The following AGAP3 variants were observed in gnomAD, a reference collection of about 807,000 sequenced individuals.
AGAP3 encodes ArfGAP with GTPase domain, ankyrin repeat and PH domain 3.
Under a neutral mutation model 96.9 loss-of-function variants are expected in AGAP3, and 24 were observed. That is an observed-to-expected ratio of 0.25 (90% CI 0.18 to 0.35). The LOEUF (loss-of-function observed/expected upper bound fraction) is 0.35, where lower values mean the gene tolerates loss of function less well. Ranked by LOEUF, AGAP3 falls within the 10% of genes least tolerant of loss-of-function variation. AGAP3 has a pLI of 1.00. For synonymous variants in AGAP3, 563 were observed against 536.1 expected, an observed-to-expected ratio of 1.05 and a Z score of -0.69; for missense variants, 876 against 1,254.2, an observed-to-expected ratio of 0.70 and a Z score of 4.55.
chr7:151,134,659 G>T, intron 11 of AGAP3, 91 bp downstream of exon 11: 1 of 1,318,374 alleles, frequency 7.6e-7, no homozygotes. Flanking sequence ...TCTCAGCCTG[G>T]GCACAGGGTG....
Position 151,114,834 on chromosome 7 carries a change from G to C in AGAP3, c.332-1959G>C. 1.9e-6 allele frequency: 2 copies of C among 1,055,306 alleles called. No homozygotes were observed. The highest frequency in any genetic ancestry group is 1.1e-6 in the Non-Finnish European group (1 of 876,084). The allele number at this position is 1,055,306 out of a possible 1,614,324, so 65.4% of individuals were successfully genotyped here. A position where few individuals can be genotyped will look rare whatever the true frequency, so the allele number is the denominator to read the frequency against. Reference sequence around the variant, plus strand: ...GGAGCGGCCCGCCGCTTGCCGCCGCGCCCACAGCGTCTGCGACTCGCTGGA... The same window carrying C: ...GGAGCGGCCCGCCGCTTGCCGCCGCCCCCACAGCGTCTGCGACTCGCTGGA... On this transcript the variant is annotated intron_variant, in intron 1 of 17. Coordinates refer to ENST00000397238, the MANE Select transcript of AGAP3 (RefSeq NM_031946.7). The surrounding 1 kb of genome is among the most constrained non-coding windows in gnomAD (Gnocchi z 4.4).
At position 151,087,155 on chromosome 7, in the gene AGAP3, C is replaced by T. The variant is rs1236511384; in HGVS notation, c.331+83C>T. The T allele has an allele frequency of 1.5e-5, 22 of 1,422,926 alleles. 1 individual carries two copies. In the South Asian group the frequency reaches 2.5e-4, roughly 16 times the overall value. The allele number at this position is 1,422,926 out of a possible 1,614,324, so 88.1% of individuals were successfully genotyped here. A position where few individuals can be genotyped will look rare whatever the true frequency, so the allele number is the denominator to read the frequency against. On this transcript the variant is annotated intron_variant, in intron 1 of 17. Transcript: ENST00000397238. ...GAGGGCTCCACAGGCCGTGCCTGGC[C>T]ATGCTCTCCCTGTCGGGGGTCCTTG...
Position 151,141,370 on chromosome 7 carries a change from C to T in AGAP3, c.1805-528C>T. 1 of 174,516 alleles carries T rather than the reference C, an allele frequency of 5.7e-6. No individual in the cohort carries two copies. The highest frequency in any genetic ancestry group is 1.2e-5 in the Non-Finnish European group (1 of 81,702). The allele number at this position is 174,516 out of a possible 1,614,324, so 10.8% of individuals were successfully genotyped here. ...CCTCTCCCCCATCCACTTGCCCTTC[C>T]TGCCTGTCTATGCCATGGTAGTGGG... On this transcript the variant is annotated intron_variant, in intron 13 of 17. Transcript: ENST00000397238. The surrounding 1 kb of genome is among the most constrained non-coding windows in gnomAD (Gnocchi z 4.2).
chr7:151,087,477 T>C (rs1335604481), intron 1 of AGAP3, among the ~76,000 whole-genome samples: 2 of 152,056 alleles, frequency 1.3e-5, no homozygotes, highest in African/African-American at 4.8e-5. Context: ...AGCCTCGCGT[T>C]AGTGGATGGC....
rs1799151295 is a variant in AGAP3 at position 151,108,550 on chromosome 7, C to T, written c.332-8243C>T. ...GACATCCTGACCTCTGGAGATGGGGCAGAATCCCCGGGCCTCAGAGCAGCC... is the reference window on the plus strand; with the variant it reads ...GACATCCTGACCTCTGGAGATGGGGTAGAATCCCCGGGCCTCAGAGCAGCC... On this transcript the variant is annotated intron_variant, in intron 1 of 17. Transcript: ENST00000397238. This position sits in a 1 kb window ranked among gnomAD's most constrained non-coding sequence, Gnocchi z 4.2. Among the ~76,000 whole-genome samples, 1 of 152,200 alleles carries T rather than the reference C, an allele frequency of 6.6e-6. No homozygotes were observed. Among genetic ancestry groups the T allele is most frequent in the African/African-American group, 2.4e-5 (1 of 41,448 alleles).
At chr7:151,126,350 C>T (rs1174683875) in intron 9 of AGAP3, among the ~76,000 whole-genome samples, 1 of 58,066 alleles carries the variant, frequency 1.7e-5, no homozygotes, top group African/African-American at 9.6e-5. Context: ...GAGATGGGAG[C>T]AGAGCGGAGC....
intron 10 of AGAP3, among the ~76,000 whole-genome samples, chr7:151,131,790 T>TG (rs1800414260): frequency 6.6e-6 from 1 of 152,170 alleles, no homozygotes; most frequent in Admixed American, 6.5e-5. Flanking sequence ...CTTCTTGGCA[T>TG]GGGGTCAGCT....
chr7:151,117,956 C>A, intron 5 of AGAP3, 179 bp downstream of exon 5: 1 of 948,098 alleles, frequency 1.1e-6, no homozygotes, highest in Non-Finnish European at 1.5e-6. Context: ...CCCACTGAAA[C>A]CTGCTGTCCC....
chr7:151,117,910 C>A, intron 5 of AGAP3, 133 bp downstream of exon 5: 1 of 1,283,316 alleles, frequency 7.8e-7, no homozygotes, highest in Non-Finnish European at 1.0e-6. Context: ...GGACCCTCAG[C>A]ACTCTCCGTG....
intron 1 of AGAP3, among the ~76,000 whole-genome samples, chr7:151,102,498 G>A (rs932655026): frequency 2.7e-5 from 4 of 150,258 alleles, no homozygotes; most frequent in African/African-American, 4.9e-5. Flanking sequence ...GGTTGCTCAC[G>A]CAAGTAATCC....
chr7:151,088,407 G>T lies in AGAP3; in HGVS notation c.331+1335G>T, dbSNP rs112558918. On this transcript the variant is annotated intron_variant, in intron 1 of 17. Coordinates refer to ENST00000397238, the MANE Select transcript of AGAP3 (RefSeq NM_031946.7). ...CTCATTAACGTGGATCTGAGTAAAT[G>T]GCCTGAATCACCGCTGTGGCTGGGG... Among the ~76,000 whole-genome samples, 1,008 of 152,334 alleles carry T rather than the reference G, an allele frequency of 6.6e-3. 6 individuals carry two copies. The highest frequency in any genetic ancestry group is 9.2e-3 in the Non-Finnish European group (624 of 68,024).
Position 151,096,512 on chromosome 7 carries a change from G to A in AGAP3, c.331+9440G>A, listed in dbSNP as rs535698618. On this transcript the variant is annotated intron_variant, in intron 1 of 17. Transcript: ENST00000397238. This position sits in a 1 kb window ranked among gnomAD's most constrained non-coding sequence, Gnocchi z 4.4. Reference sequence around the variant, plus strand: ...TTTTGAGGTGGAGTCTCGCTCTGTCGCCCAGGCTGGAGTGCAGTGGCGCGA... The same window carrying A: ...TTTTGAGGTGGAGTCTCGCTCTGTCACCCAGGCTGGAGTGCAGTGGCGCGA... Among the ~76,000 whole-genome samples, 3 of 149,580 alleles carry A rather than the reference G, an allele frequency of 2.0e-5. No individual in the cohort carries two copies. Among genetic ancestry groups the A allele is most frequent in the South Asian group, 2.1e-4 (1 of 4,754 alleles).
chr7:151,122,499 T>C (rs1489531606), intron 8 of AGAP3, among the ~76,000 whole-genome samples: 4 of 149,868 alleles, frequency 2.7e-5, no homozygotes, highest in African/African-American at 5.1e-5. Flanking sequence ...CAGGTGCCGC[T>C]GCCGCCCGCC....
At position 151,118,584 on chromosome 7, in the gene AGAP3, C is replaced by G; in HGVS notation, c.921C>G (p.Ser307Arg). ...GCAAGTCACTGCCCAACTCGCCCAG[C>G]CACTCGGCCGTGTCCGCCGCCTCCA... ...GPCKSLPNSP[S>R]HSAVSAASIP... The change falls in exon 7 of 18, where the codon AGC becomes AGG. Residue 307 changes from serine (S) to arginine (R), a missense_variant. Physicochemically the swap from Ser to Arg is moderately radical, Grantham distance 110. Around this residue, in one of 8 missense-constraint regions of AGAP3, gnomAD observed 100 missense variants for 129.4 expected, o/e 0.77. Transcript: ENST00000397238. The surrounding 1 kb of genome is among the most constrained non-coding windows in gnomAD (Gnocchi z 6.1). 1 of 1,614,094 alleles carries G rather than the reference C, an allele frequency of 6.2e-7. No individual in the cohort carries two copies. The highest frequency in any genetic ancestry group is 1.1e-5 in the South Asian group (1 of 91,082).
chr7:151,108,077 C>T lies in AGAP3; in HGVS notation c.332-8716C>T, dbSNP rs1799131677. Among the ~76,000 whole-genome samples the T allele has an allele frequency of 3.3e-5, 5 of 152,220 alleles. No homozygotes were observed. In the South Asian group the frequency reaches 8.3e-4, roughly 25 times the overall value. ...GAGCTGCTAGAAAGCAGAGCTAAGC[C>T]CACAGTTGCTGTTGCTGGTCAGAGC... is the stretch of plus-strand genomic sequence containing the variant. On this transcript the variant is annotated intron_variant, in intron 1 of 17. Transcript: ENST00000397238. This position sits in a 1 kb window ranked among gnomAD's most constrained non-coding sequence, Gnocchi z 4.2.
At position 151,114,803 on chromosome 7, in the gene AGAP3, T is replaced by C; in HGVS notation, c.332-1990T>C. ...GGGGCTGGCCGCAGGGGGACAGCTG[T>C]CCCGGGGAGCGGCCCGCCGCTTGCC... On this transcript the variant is annotated intron_variant, in intron 1 of 17. Transcript: ENST00000397238. This position sits in a 1 kb window ranked among gnomAD's most constrained non-coding sequence, Gnocchi z 4.4. 9.5e-7 allele frequency: 1 copy of C among 1,052,554 alleles called. No individual in the cohort carries two copies. Among genetic ancestry groups the C allele is most frequent in the Non-Finnish European group, 1.1e-6 (1 of 875,104 alleles). 65.2% of individuals were successfully genotyped at this position (1,052,554 alleles called of 1,614,324 possible). A position where few individuals can be genotyped will look rare whatever the true frequency, so the allele number is the denominator to read the frequency against.
intron 1 of AGAP3, among the ~76,000 whole-genome samples, chr7:151,100,410 A>T (rs1798791111): frequency 6.6e-6 from 1 of 152,116 alleles, no homozygotes; most frequent in African/African-American, 2.4e-5. Flanking sequence ...AGCCCCTAAG[A>T]GATGTGTCGC....
At chr7:151,116,422 CCTG>C (rs1228294065) in intron 1 of AGAP3, 2 of 289,544 alleles carry the variant, frequency 6.9e-6, no homozygotes, top group South Asian at 5.2e-5. Context: ...TGTTCTGAGA[CCTG>C]CTGGAGTGGC....
intron 1 of AGAP3, among the ~76,000 whole-genome samples, chr7:151,103,253 C>T (rs890280151): frequency 1.3e-5 from 2 of 152,198 alleles, no homozygotes; most frequent in South Asian, 2.1e-4. Context: ...TCATTCAAAT[C>T]GTGGAGACAG....
Sources: allele counts gnomAD v4.1 joint callset (sites outside exome capture counted in the v4.1 genomes callset), GRCh38; gene constraint gnomAD v4.1.1; regional missense constraint gnomAD v4.1.1; non-coding constraint Gnocchi (gnomAD v3.1); transcripts MANE v1.5; gene names NCBI Gene and HGNC (gene_info 2026-07-23, HGNC 2026-07-21).